Variants in FSTL4 observed in about 807,000 individuals in gnomAD.
FSTL4 encodes follistatin-related protein 4.
In FSTL4, 28 loss-of-function variants were observed where a neutral mutation model predicts 78.2. The observed-to-expected ratio is 0.36, with a 90% CI of 0.27 to 0.49. The LOEUF (loss-of-function observed/expected upper bound fraction) is 0.49, where lower values mean the gene tolerates loss of function less well. Ranked by LOEUF, FSTL4 falls within the 20% of genes least tolerant of loss-of-function variation. FSTL4 has a pLI of 0.98. For synonymous variants in FSTL4, 422 were observed against 440.5 expected (o/e 0.96, Z 0.53); for missense variants, 922 against 1,084.9 (o/e 0.85, Z 2.11).
the FSTL4 span, among the ~76,000 whole-genome samples, chr5:133,814,820 A>C: frequency 0.97 from 147,281 of 152,318 alleles, 71,394 homozygotes; most frequent in East Asian, 1. Context: ...GAGTAAGACA[A>C]CTCAGTGATG....
intron 6 of FSTL4, among the ~76,000 whole-genome samples, chr5:133,262,135 G>A (rs1476846866): frequency 1.3e-5 from 2 of 152,174 alleles, no homozygotes; most frequent in African/African-American, 4.8e-5. Flanking sequence ...CTGCCACTAG[G>A]CTTTTCCTTT....
chr5:133,548,802 A>G (rs1759633945), intron 3 of FSTL4, among the ~76,000 whole-genome samples: 1 of 152,222 alleles, frequency 6.6e-6, no homozygotes. Flanking sequence ...AAGGTTAATG[A>G]ACTCAAAGGT....
At chr5:133,271,797 G>A (rs1427059504) in intron 6 of FSTL4, among the ~76,000 whole-genome samples, 1 of 152,212 alleles carries the variant, frequency 6.6e-6, no homozygotes, top group African/African-American at 2.4e-5. Context: ...GGTTATCTCT[G>A]AGCAGGCGGG....
chr5:133,327,373 T>C (rs6892452), intron 4 of FSTL4, among the ~76,000 whole-genome samples: 24,933 of 152,190 alleles, frequency 0.16, 4,299 homozygotes, highest in African/African-American at 0.44. Flanking sequence ...CTAGCACAGA[T>C]AGTCCACTGA....
intron 4 of FSTL4, among the ~76,000 whole-genome samples, chr5:133,397,958 G>C (rs1393720168): frequency 6.6e-6 from 1 of 152,140 alleles, no homozygotes; most frequent in African/African-American, 2.4e-5. Context: ...ACTGTCATTC[G>C]TGGACCTCAA....
chr5:133,515,258 G>A (rs1758829735), intron 3 of FSTL4, among the ~76,000 whole-genome samples: 1 of 152,112 alleles, frequency 6.6e-6, no homozygotes, highest in Non-Finnish European at 1.5e-5. Context: ...TAGGCATGGT[G>A]GCTCACACCT....
At chr5:133,631,734 A>G in the FSTL4 span, among the ~76,000 whole-genome samples, 1 of 152,224 alleles carries the variant, frequency 6.6e-6, no homozygotes, top group African/African-American at 2.4e-5. Flanking sequence ...AATAGCAAAT[A>G]CTTGAAACCA....
chr5:133,412,968 T>C (rs1756509210), intron 3 of FSTL4, among the ~76,000 whole-genome samples: 1 of 152,172 alleles, frequency 6.6e-6, no homozygotes, highest in South Asian at 2.1e-4. Context: ...ATTAGATTGT[T>C]TATTTGCCTT....
chr5:133,311,615 G>A (rs1414356483), intron 6 of FSTL4, among the ~76,000 whole-genome samples: 3 of 152,214 alleles, frequency 2.0e-5, no homozygotes, highest in African/African-American at 7.2e-5. Context: ...ACAGCCCAAA[G>A]AGATGTCACT....
At chr5:133,447,048 T>A (rs1757280355) in intron 3 of FSTL4, among the ~76,000 whole-genome samples, 1 of 152,070 alleles carries the variant, frequency 6.6e-6, no homozygotes, top group Admixed American at 6.6e-5. Flanking sequence ...CACGGTGGGC[T>A]CCCCTGCCGA....
At chr5:133,830,579 A>G in the FSTL4 span, among the ~76,000 whole-genome samples, 1 of 152,214 alleles carries the variant, frequency 6.6e-6, no homozygotes, top group African/African-American at 2.4e-5. Flanking sequence ...TGATTCTCAC[A>G]GGCACAGAGA....
At chr5:133,209,111 T>C (rs955194702) in intron 14 of FSTL4, among the ~76,000 whole-genome samples, 1 of 152,252 alleles carries the variant, frequency 6.6e-6, no homozygotes, top group Non-Finnish European at 1.5e-5. Flanking sequence ...GCTGGTACTC[T>C]GTTCTGAGTG....
At chr5:133,817,302 A>G in the FSTL4 span, among the ~76,000 whole-genome samples, 1 of 152,238 alleles carries the variant, frequency 6.6e-6, no homozygotes, top group Non-Finnish European at 1.5e-5. Flanking sequence ...CTCCAAGGCC[A>G]TGCACTTGTT....
At position 133,400,723 on chromosome 5, in the gene FSTL4, G is replaced by C. The variant is rs763317237; in HGVS notation, c.409+15C>G. 6.2e-6 allele frequency: 10 copies of C among 1,609,002 alleles called. No homozygotes were observed. The highest frequency in any genetic ancestry group is 8.5e-6 in the Non-Finnish European group (10 of 1,175,892). On this transcript the variant is annotated intron_variant, in intron 4 of 15. Coordinates refer to ENST00000265342, the MANE Select transcript of FSTL4 (RefSeq NM_015082.2). ...CACAAAACCCAAAACCACAGGGCAA[G>C]GGCCCTGTTCCTACCTTTGAGGAAA...
chr5:133,724,678 A>G, the FSTL4 span, among the ~76,000 whole-genome samples: 2 of 152,162 alleles, frequency 1.3e-5, no homozygotes, highest in African/African-American at 4.8e-5. Flanking sequence ...CGGCTTGTTC[A>G]TTTCCTTAAC....
chr5:133,680,317 C>A, the FSTL4 span, among the ~76,000 whole-genome samples: 11 of 152,178 alleles, frequency 7.2e-5, no homozygotes, highest in Non-Finnish European at 1.3e-4. Flanking sequence ...CTATAGCATG[C>A]GGCTAAGAGA....
chr5:133,570,521 T>G (rs191764382), intron 2 of FSTL4, among the ~76,000 whole-genome samples: 1 of 152,228 alleles, frequency 6.6e-6, no homozygotes, highest in African/African-American at 2.4e-5. Context: ...TCTCATATTT[T>G]GGTCGGTGGC....
intron 11 of FSTL4, among the ~76,000 whole-genome samples, chr5:133,223,370 T>A (rs1189123012): frequency 1.3e-5 from 2 of 152,230 alleles, no homozygotes; most frequent in Non-Finnish European, 2.9e-5. Flanking sequence ...CGTGTGAAGT[T>A]CTTGAGGAAA....
At chr5:133,544,685 G>A (rs1398362333) in intron 3 of FSTL4, among the ~76,000 whole-genome samples, 4 of 152,190 alleles carry the variant, frequency 2.6e-5, no homozygotes, top group Non-Finnish European at 5.9e-5. Context: ...AGATGTCAAA[G>A]TCTGAGATTT....
Sources: allele counts gnomAD v4.1 joint callset (sites outside exome capture counted in the v4.1 genomes callset), GRCh38; gene constraint gnomAD v4.1.1; transcripts MANE v1.5; gene names NCBI Gene and HGNC (gene_info 2026-07-23, HGNC 2026-07-21).